PCM1: variants seen among roughly 807,000 people sequenced by gnomAD.
PCM1 encodes the protein pericentriolar material 1 protein.
A neutral mutation model predicts 241.9 loss-of-function variants in PCM1; 157 were observed. The observed-to-expected ratio is 0.65, with a 90% CI of 0.57 to 0.74. The LOEUF (loss-of-function observed/expected upper bound fraction) is 0.74. PCM1 is among the 30% of genes least tolerant of loss of function. The pLI is 0.00. For synonymous variants in PCM1, 1,085 were observed against 784.9 expected, an observed-to-expected ratio of 1.38 and a Z score of -6.39; for missense variants, 3,478 against 2,360.1, an observed-to-expected ratio of 1.47 and a Z score of -9.81.
chr8:18,001,138 C>T (rs1588207325), intron 29 of PCM1, among the ~76,000 whole-genome samples: 1 of 152,130 alleles, frequency 6.6e-6, no homozygotes, highest in African/African-American at 2.4e-5. Context: ...TGTACAAAAG[C>T]GGAGCCAGGG....
intron 38 of PCM1, 29 bp downstream of exon 38, chr8:18,025,687 T>C (rs376631851): frequency 7.9e-7 from 1 of 1,272,774 alleles, no homozygotes; most frequent in Non-Finnish European, 1.1e-6. Flanking sequence ...AATCTTGCCA[T>C]ATTGAAAAAT....
At chr8:17,992,935 GTTTT>G (rs3039044) in intron 28 of PCM1, among the ~76,000 whole-genome samples, 1 of 123,958 alleles carries the variant, frequency 8.1e-6, no homozygotes, top group African/African-American at 3.1e-5. Flanking sequence ...CTTTTTGATG[GTTTT>G]TTTTTTTTTT....
chr8:18,022,661 C>G (rs1454420139), intron 36 of PCM1, among the ~76,000 whole-genome samples: 2 of 152,156 alleles, frequency 1.3e-5, no homozygotes, highest in Admixed American at 6.5e-5. Context: ...GACAGAAAAC[C>G]TTAATGGAAC....
intron 27 of PCM1, among the ~76,000 whole-genome samples, chr8:17,991,046 A>AC (rs71543702): frequency 2.5e-4 from 36 of 144,806 alleles, no homozygotes; most frequent in African/African-American, 8.3e-4. Context: ...ATTTACTGGT[A>AC]TTTTTTTTTT....
At chr8:17,925,376 A>G (rs1329720488) in intron 2 of PCM1, 3 of 152,242 alleles carry the variant, frequency 2.0e-5, no homozygotes, top group Non-Finnish European at 4.4e-5. Context: ...CACTAGGAGA[A>G]GTTCAATAAT....
rs1437816790 is a variant in PCM1, at chr8:18,014,849, C to T, written c.5841+9C>T. On this transcript the variant is annotated intron_variant, in intron 36 of 38. Transcript: ENST00000325083. ...TGTTAGTGAATGACTATGTATGTAT[C>T]ATTTACATTTCCAAATATTTTTACT... The T allele has an allele frequency of 1.9e-6, 3 of 1,562,122 alleles. No homozygotes were observed. The highest frequency in any genetic ancestry group is 2.3e-5 in the South Asian group (2 of 86,116).
chr8:17,940,178 T>C, intron 6 of PCM1: 1 of 1,263,874 alleles, frequency 7.9e-7, no homozygotes, highest in East Asian at 2.5e-5. Flanking sequence ...TTTTTGGTAA[T>C]TAAAGTGCTG....
chr8:17,997,205 G>T (rs2087177692), intron 29 of PCM1, among the ~76,000 whole-genome samples: 1 of 151,546 alleles, frequency 6.6e-6, no homozygotes, highest in South Asian at 2.1e-4. Flanking sequence ...CTTGAAACAT[G>T]TCATGACACT....
At chr8:17,955,849 T>G (rs2068129074) in intron 10 of PCM1, 196 bp downstream of exon 10, 1 of 585,542 alleles carries the variant, frequency 1.7e-6, no homozygotes, top group Non-Finnish European at 3.0e-6. Flanking sequence ...TGTAACATAG[T>G]TTCTGTGAAC....
chr8:17,960,024 C>T lies in PCM1; in HGVS notation c.2051C>T (p.Ala684Val), dbSNP rs377558873. Reference sequence around the variant, plus strand: ...ATGATGCTCTTTCAGGATGATGATGCAGCTCAAGGAGTTATCTCTGCCAGT... The same window carrying T: ...ATGATGCTCTTTCAGGATGATGATGTAGCTCAAGGAGTTATCTCTGCCAGT... ...DLVAMVQDDD[A>V]AQGVISASAS... Residue 684 changes from alanine to valine, a missense_variant, in exon 14 of 39, where the codon GCA (alanine) becomes GTA (valine). Coordinates refer to ENST00000325083, the MANE Select transcript of PCM1 (RefSeq NM_006197.4). 2.5e-6 allele frequency: 4 copies of T among 1,611,672 alleles called. No homozygotes were observed. Among genetic ancestry groups the T allele is most frequent in the Non-Finnish European group, 3.4e-6 (4 of 1,179,036 alleles).
intron 2 of PCM1, among the ~76,000 whole-genome samples, chr8:17,931,683 T>C (rs760711443): frequency 1.3e-5 from 2 of 152,196 alleles, no homozygotes; most frequent in Admixed American, 6.5e-5. Flanking sequence ...TCCCTTCCAA[T>C]TTACGTTTCA....
chr8:17,953,627 T>C (rs2066899631), intron 9 of PCM1, among the ~76,000 whole-genome samples: 1 of 152,222 alleles, frequency 6.6e-6, no homozygotes, highest in African/African-American at 2.4e-5. Flanking sequence ...CTTTTATATA[T>C]GGTTTAGTCT....
At chr8:17,937,621 AACTC>A (rs1322221940) in intron 4 of PCM1, among the ~76,000 whole-genome samples, 2 of 152,182 alleles carry the variant, frequency 1.3e-5, no homozygotes, top group Non-Finnish European at 2.9e-5. Context: ...TTATATGACT[AACTC>A]AAGTGATTTT....
At chr8:17,977,482 C>T (rs1443935620) in intron 23 of PCM1, among the ~76,000 whole-genome samples, 1 of 152,168 alleles carries the variant, frequency 6.6e-6, no homozygotes, top group African/African-American at 2.4e-5. Context: ...GTGCGGTGAT[C>T]TGGAAGATGC....
At chr8:18,011,167 G>A (rs117750791) in intron 32 of PCM1, 70 bp from the exon 33 acceptor site, 11,198 of 1,024,572 alleles carry the variant, frequency 0.011, 96 homozygotes, top group Non-Finnish European at 0.013. Context: ...TTATTAATAC[G>A]ATAGACTTAC....
At chr8:17,949,898 G>A (rs1317128437) in intron 7 of PCM1, among the ~76,000 whole-genome samples, 1 of 152,176 alleles carries the variant, frequency 6.6e-6, no homozygotes, top group Non-Finnish European at 1.5e-5. Flanking sequence ...TCACAAAACT[G>A]CTTTATGAAT....
At position 17,967,028 on chromosome 8, in the gene PCM1, A is replaced by G. The variant is rs777111329; in HGVS notation, c.3270A>G (p.Pro1090=). 4.3e-6 allele frequency: 7 copies of G among 1,609,364 alleles called. No individual in the cohort carries two copies. In the South Asian group the frequency reaches 7.8e-5, roughly 18 times the overall value. Residue 1090 remains proline (P), a synonymous_variant, in exon 21 of 39, where the codon CCA becomes CCG. Transcript: ENST00000325083. ...NELMRQQNQH[P]EKPGGKERGS... is the part of the protein sequence containing the mutation. ...TTATGCGCCAGCAAAATCAGCATCC[A>G]GAAAAACCTGGAGGCAAGGAAAGAG...
intron 36 of PCM1, among the ~76,000 whole-genome samples, chr8:18,020,496 C>T (rs150794160): frequency 1.9e-4 from 29 of 152,314 alleles, no homozygotes; most frequent in African/African-American, 6.7e-4. Flanking sequence ...AACCCTACCA[C>T]TTTGCTGCCT....
chr8:17,992,011 G>A (rs1417792758), intron 28 of PCM1, among the ~76,000 whole-genome samples: 1 of 152,178 alleles, frequency 6.6e-6, no homozygotes, highest in Non-Finnish European at 1.5e-5. Flanking sequence ...ACTCTACCCA[G>A]ATGGCTGCAA....
Sources: gnomAD v4.1 joint callset for allele counts (sites outside exome capture counted in the v4.1 genomes callset) on GRCh38, gnomAD v4.1.1 for gene constraint, MANE v1.5 for transcripts, NCBI Gene and HGNC (gene_info 2026-07-23, HGNC 2026-07-21) for gene names.